Variants in FREM2 observed in about 807,000 individuals in gnomAD.
FREM2 encodes FRAS1 related extracellular matrix 2.
Under a neutral mutation model 219.9 loss-of-function variants are expected in FREM2, and 119 were observed. The observed-to-expected ratio is 0.54, with a 90% CI of 0.47 to 0.63. FREM2 has a LOEUF of 0.63. Among genes scored for constraint, FREM2 ranks in the 30% least tolerant of loss-of-function variants. The pLI, the probability that FREM2 is intolerant of heterozygous loss-of-function variation, is 0.00. For synonymous variants in FREM2, 1,562 were observed against 1,522.8 expected, an observed-to-expected ratio of 1.03 and a Z score of -0.60; for missense variants, 4,030 against 3,993.6, an observed-to-expected ratio of 1.01 and a Z score of -0.25.
Position 38,858,045 on chromosome 13 carries a change from A to T in FREM2, c.7215+12A>T. 6.2e-7 allele frequency: 1 copy of T among 1,608,704 alleles called. No homozygotes were observed. The highest frequency in any genetic ancestry group is 1.1e-5 in the South Asian group (1 of 90,922). ...TCATCTGTATCACAGTGAGTAGGAG[A>T]TTCACAAAATTGAGGAAAATTGTAA... On this transcript the variant is annotated intron_variant, in intron 13 of 23. Transcript: ENST00000280481.
intron 2 of FREM2, among the ~76,000 whole-genome samples, chr13:38,763,329 T>C (rs1428874575): frequency 1.3e-5 from 2 of 151,794 alleles, no homozygotes; most frequent in Non-Finnish European, 2.9e-5. Flanking sequence ...ACTCAGCGTT[T>C]TCCCTTGTGT....
chr13:38,729,998 T>G (rs1041361001), intron 2 of FREM2, among the ~76,000 whole-genome samples: 6 of 152,214 alleles, frequency 3.9e-5, no homozygotes, highest in African/African-American at 1.4e-4. Flanking sequence ...TGAGGGGATA[T>G]TTTCTCTTTT....
chr13:38,859,130 A>G (rs1341308335), intron 13 of FREM2, among the ~76,000 whole-genome samples, 157 bp from the exon 14 acceptor site: 1 of 152,228 alleles, frequency 6.6e-6, no homozygotes, highest in African/African-American at 2.4e-5. Flanking sequence ...ATGTTTATAA[A>G]TGTTATCATG....
At chr13:38,722,929 G>C (rs1460558235) in intron 2 of FREM2, among the ~76,000 whole-genome samples, 1 of 151,978 alleles carries the variant, frequency 6.6e-6, no homozygotes, top group African/African-American at 2.4e-5. Context: ...AAACTTCGAG[G>C]TATGCAAAAC....
intron 6 of FREM2, among the ~76,000 whole-genome samples, chr13:38,835,254 T>A (rs1385845886): frequency 1.3e-5 from 2 of 152,188 alleles, no homozygotes; most frequent in Admixed American, 1.3e-4. Context: ...GATCAGATAG[T>A]TGTAGATGTA....
Position 38,856,138 on chromosome 13 carries a change from A to T in FREM2, c.6938A>T (p.Lys2313Met). 1.2e-6 allele frequency: 2 copies of T among 1,607,876 alleles called. No individual in the cohort carries two copies. Among genetic ancestry groups the T allele is most frequent in the Middle Eastern group, 3.3e-4 (2 of 6,028 alleles). ...YHPVSEEIEF[K>M]EGETQHVVEI... The stretch of plus-strand genomic sequence containing the variant: ...GTTACATTTGTAGAAATTGAGTTTA[A>T]GGAAGGGGAAACCCAGCACGTGGTT... Residue 2313 changes from lysine (K) to methionine (M), a missense_variant, in exon 12 of 24, where the codon AAG (lysine) becomes ATG (methionine). Lys to Met is a moderately conservative substitution (Grantham distance 95). Around this residue, in one of 2 missense-constraint regions of FREM2, gnomAD observed 3,102 missense variants for 2,950.7 expected, o/e 1.05. Coordinates refer to ENST00000280481, the MANE Select transcript of FREM2 (RefSeq NM_207361.6).
chr13:38,853,187 G>A (rs1877435953), intron 11 of FREM2, among the ~76,000 whole-genome samples: 1 of 151,588 alleles, frequency 6.6e-6, no homozygotes, highest in African/African-American at 2.4e-5. Flanking sequence ...AATTAGCCAG[G>A]CGTGGTGGCA....
rs943343656 is a variant in FREM2 at position 38,857,780 on chromosome 13, T to G, written c.7057-95T>G. On this transcript the variant is annotated intron_variant, in intron 12 of 23. Coordinates refer to ENST00000280481, the MANE Select transcript of FREM2 (RefSeq NM_207361.6). ...GACAATTTGCATCATAACGAGGCCA[T>G]GGGGTTGCCAGGGATCGTGAGTATT... 3 of 1,073,538 alleles carry G rather than the reference T, an allele frequency of 2.8e-6. No homozygotes were observed. In the African/African-American group the frequency reaches 4.7e-5, roughly 17 times the overall value. The allele number at this position is 1,073,538 out of a possible 1,614,324, so 66.5% of individuals were successfully genotyped here. A position where few individuals can be genotyped will look rare whatever the true frequency, so the allele number is the denominator to read the frequency against.
chr13:38,698,821 T>A (rs1870225876), intron 2 of FREM2, among the ~76,000 whole-genome samples: 1 of 152,140 alleles, frequency 6.6e-6, no homozygotes, highest in Non-Finnish European at 1.5e-5. Context: ...ATGATCACAG[T>A]TCTGAAAAAT....
rs375396185 is a variant in FREM2, at chr13:38,722,554, A to T, written c.5263+24767A>T. 2.6e-5 allele frequency among the ~76,000 whole-genome samples: 4 copies of T among 152,234 alleles called. 1 individual carries two copies. The highest frequency in any genetic ancestry group is 3.4e-3 in the Middle Eastern group (1 of 294). On this transcript the variant is annotated intron_variant, in intron 2 of 23. Transcript: ENST00000280481. ...CAGTGGTTATCAAATTTTAGCATGC[A>T]TCAAAATAACCTGGAGGGTGTCTTC...
At chr13:38,832,989 A>T (rs945507601) in intron 6 of FREM2, among the ~76,000 whole-genome samples, 19 of 152,112 alleles carry the variant, frequency 1.2e-4, no homozygotes, top group African/African-American at 4.3e-4. Context: ...CAGTGAACTG[A>T]GATTGAGCCA....
chr13:38,834,058 G>C (rs1405176434), intron 6 of FREM2, among the ~76,000 whole-genome samples: 1 of 152,064 alleles, frequency 6.6e-6, no homozygotes, highest in East Asian at 1.9e-4. Context: ...TGGGATACAT[G>C]TGCAGAACGT....
At chr13:38,786,147 G>A (rs1242826496) in intron 6 of FREM2, among the ~76,000 whole-genome samples, 1 of 152,150 alleles carries the variant, frequency 6.6e-6, no homozygotes, top group Non-Finnish European at 1.5e-5. Flanking sequence ...TAGAAAACCA[G>A]AGCTTGCTCC....
chr13:38,756,104 G>A (rs1872986605), intron 2 of FREM2, among the ~76,000 whole-genome samples: 1 of 152,208 alleles, frequency 6.6e-6, no homozygotes, highest in South Asian at 2.1e-4. Context: ...AAGACAAAAT[G>A]TGTGGGGTAA....
At position 38,713,879 on chromosome 13, in the gene FREM2, G is replaced by A. The variant is rs1007587495; in HGVS notation, c.5263+16092G>A. ...GGAGACATTTTTGACTTACCCACTT[G>A]GGGGAAAGGGGTAGAATGCTACTGA... is the stretch of plus-strand genomic sequence containing the variant. On this transcript the variant is annotated intron_variant, in intron 2 of 23. Coordinates refer to ENST00000280481, the MANE Select transcript of FREM2 (RefSeq NM_207361.6). 1.2e-4 allele frequency among the ~76,000 whole-genome samples: 19 copies of A among 152,208 alleles called. 1 individual carries two copies. The highest frequency in any genetic ancestry group is 1.1e-3 in the Admixed American group (17 of 15,274).
intron 8 of FREM2, 83 bp downstream of exon 8, chr13:38,848,753 TTATA>T (rs1184134479): frequency 8.2e-7 from 1 of 1,224,090 alleles, no homozygotes; most frequent in Non-Finnish European, 1.2e-6. Context: ...AGCAAGATGA[TTATA>T]TATATTTGTT....
Position 38,857,910 on chromosome 13 carries a change from C to A in FREM2, c.7092C>A (p.Ser2364Arg). ...TKAIVYIEEM[S>R]SMADVTFPSV... ...CCATTGTGTACATAGAAGAAATGAG[C>A]AGCATGGCAGATGTCACTTTTCCTT... Residue 2364 changes from serine (S) to arginine (R), a missense_variant, in exon 13 of 24, where the codon AGC becomes AGA. Around this residue, in one of 2 missense-constraint regions of FREM2, gnomAD observed 928 missense variants for 1,042.9 expected, o/e 0.89. Transcript: ENST00000280481. 1 of 1,613,458 alleles carries A rather than the reference C, an allele frequency of 6.2e-7. No individual in the cohort carries two copies. The highest frequency in any genetic ancestry group is 8.5e-7 in the Non-Finnish European group (1 of 1,179,380).
intron 4 of FREM2, among the ~76,000 whole-genome samples, chr13:38,777,126 C>T (rs1325373335): frequency 6.6e-6 from 1 of 151,676 alleles, no homozygotes; most frequent in Admixed American, 6.6e-5. Context: ...GCATATTGTA[C>T]ATATATTATA....
chr13:38,717,222 A>G (rs996879545), intron 2 of FREM2, among the ~76,000 whole-genome samples: 4 of 152,086 alleles, frequency 2.6e-5, no homozygotes, highest in Non-Finnish European at 5.9e-5. Context: ...TTCTCCTTCC[A>G]TGTCCTGCCC....
Sources: gnomAD v4.1 joint callset for allele counts (sites outside exome capture counted in the v4.1 genomes callset) on GRCh38, gnomAD v4.1.1 for gene constraint, gnomAD v4.1.1 regional missense constraint, MANE v1.5 for transcripts, NCBI Gene and HGNC (gene_info 2026-07-23, HGNC 2026-07-21) for gene names.